Variants in LPP observed in about 807,000 individuals in gnomAD.
The protein encoded by LPP is LIM domain containing preferred translocation partner in lipoma, also known as lipoma-preferred partner.
In LPP, 38 loss-of-function variants were observed where a neutral mutation model predicts 60.4. The observed-to-expected ratio is 0.63, with a 90% CI of 0.49 to 0.83. The LOEUF (loss-of-function observed/expected upper bound fraction) is 0.83, where lower values mean the gene tolerates loss of function less well. Ranked by LOEUF, LPP falls within the 40% of genes least tolerant of loss-of-function variation. The pLI is 0.00. For synonymous variants in LPP, 328 were observed against 290.8 expected, an observed-to-expected ratio of 1.13 and a Z score of -1.30; for missense variants, 902 against 783.6, an observed-to-expected ratio of 1.15 and a Z score of -1.80.
At chr3:188,696,833 T>C (rs1249375972) in intron 7 of LPP, among the ~76,000 whole-genome samples, 1 of 152,226 alleles carries the variant, frequency 6.6e-6, no homozygotes, top group Non-Finnish European at 1.5e-5. Flanking sequence ...GACTGGATTA[T>C]AAATTCTATG....
At chr3:188,347,465 A>G (rs115661695) in intron 3 of LPP, among the ~76,000 whole-genome samples, 36 of 152,304 alleles carry the variant, frequency 2.4e-4, no homozygotes, top group Non-Finnish European at 5.0e-4. Context: ...TGCTCTCAAT[A>G]TCTTCATTTG....
intron 4 of LPP, among the ~76,000 whole-genome samples, chr3:188,422,911 C>A (rs1302661758): frequency 9.2e-6 from 1 of 108,602 alleles, no homozygotes; most frequent in Non-Finnish European, 2.0e-5. Context: ...TTGGTGTCTT[C>A]TTTGTGTGTG....
intron 4 of LPP, among the ~76,000 whole-genome samples, chr3:188,464,596 G>C (rs555637288): frequency 6.6e-6 from 1 of 152,220 alleles, no homozygotes; most frequent in Admixed American, 6.5e-5. Flanking sequence ...TTAAAATATT[G>C]ATATTTGGTG....
chr3:188,236,022 G>A (rs537775053), intron 2 of LPP, among the ~76,000 whole-genome samples: 23 of 151,916 alleles, frequency 1.5e-4, no homozygotes, highest in Middle Eastern at 3.4e-3. Context: ...TAACTCGAGC[G>A]TTTACTGAAC....
chr3:188,411,430 G>T (rs896643453), intron 4 of LPP, among the ~76,000 whole-genome samples: 2 of 152,028 alleles, frequency 1.3e-5, no homozygotes, highest in Admixed American at 6.6e-5. Context: ...CAAAGGAAAA[G>T]AAATCATTAC....
intron 6 of LPP, among the ~76,000 whole-genome samples, chr3:188,594,676 G>A (rs768664941): frequency 1.3e-4 from 20 of 152,226 alleles, no homozygotes; most frequent in African/African-American, 2.4e-4. Flanking sequence ...ATATTTCTTT[G>A]GTTTTGGGTG....
intron 9 of LPP, among the ~76,000 whole-genome samples, chr3:188,769,843 C>A (rs533574264): frequency 2.6e-5 from 4 of 152,122 alleles, no homozygotes; most frequent in Non-Finnish European, 5.9e-5. Flanking sequence ...AATAGGACAG[C>A]GTTTGCTTTC....
intron 6 of LPP, among the ~76,000 whole-genome samples, chr3:188,554,673 T>G (rs1220205923): frequency 4.6e-5 from 7 of 152,206 alleles, no homozygotes. Context: ...ATATTTTACT[T>G]TGATTCCAAA....
intron 4 of LPP, among the ~76,000 whole-genome samples, chr3:188,466,194 G>C (rs1282338356): frequency 6.6e-6 from 1 of 152,126 alleles, no homozygotes; most frequent in Non-Finnish European, 1.5e-5. Flanking sequence ...CAACACGGCA[G>C]TGAGATGGGA....
chr3:188,888,598 A>C lies in LPP; in HGVS notation c.*14119A>C, dbSNP rs1018681516. ...ACTAAATATAGGCTCTATTAACTTT[A>C]CTTTTAGATTTACTGCCTTCAAAAA... On this transcript the variant is annotated 3_prime_UTR_variant, in exon 12 of 12. Transcript: ENST00000617246. 9 of 224,260 alleles carry C rather than the reference A, an allele frequency of 4.0e-5. No homozygotes were observed. The highest frequency in any genetic ancestry group is 1.8e-4 in the African/African-American group (8 of 44,846). 13.9% of individuals were successfully genotyped at this position (224,260 alleles called of 1,614,324 possible). A position where few individuals can be genotyped will look rare whatever the true frequency, so the allele number is the denominator to read the frequency against.
intron 5 of LPP, among the ~76,000 whole-genome samples, chr3:188,488,400 G>C (rs998092328): frequency 2.6e-5 from 4 of 151,516 alleles, no homozygotes; most frequent in Non-Finnish European, 5.9e-5. Flanking sequence ...GAAAACAGGG[G>C]AAGGATTTGG....
chr3:188,380,535 T>A (rs1776593968), intron 3 of LPP, among the ~76,000 whole-genome samples: 1 of 152,342 alleles, frequency 6.6e-6, no homozygotes, highest in Middle Eastern at 3.4e-3. Context: ...GACAAAGCTA[T>A]CCCGAGGGTA....
intron 9 of LPP, among the ~76,000 whole-genome samples, chr3:188,764,539 CAT>C (rs1733401215): frequency 6.6e-6 from 1 of 152,042 alleles, no homozygotes; most frequent in South Asian, 2.1e-4. Context: ...TATAAGGACA[CAT>C]ATTAAAAGCG....
At chr3:188,690,664 A>T (rs530433526) in intron 7 of LPP, among the ~76,000 whole-genome samples, 2 of 152,302 alleles carry the variant, frequency 1.3e-5, no homozygotes, top group East Asian at 3.9e-4. Flanking sequence ...AGACCCTGGT[A>T]GAAGGAGAGA....
At chr3:188,849,088 CCG>C (rs1251529902) in intron 9 of LPP, among the ~76,000 whole-genome samples, 1 of 152,178 alleles carries the variant, frequency 6.6e-6, no homozygotes, top group Non-Finnish European at 1.5e-5. Context: ...AGGCACAGCA[CCG>C]TGGTGAGCGA....
intron 8 of LPP, among the ~76,000 whole-genome samples, chr3:188,734,635 T>A (rs1022370678): frequency 2.6e-5 from 4 of 152,186 alleles, no homozygotes; most frequent in Admixed American, 2.6e-4. Flanking sequence ...GACATGGGAA[T>A]GGATTATTGT....
intron 8 of LPP, among the ~76,000 whole-genome samples, chr3:188,759,059 G>A (rs961581411): frequency 6.6e-5 from 10 of 152,172 alleles, no homozygotes; most frequent in African/African-American, 2.4e-4. Flanking sequence ...TTTTAACTTA[G>A]TAGAAACAAA....
intron 6 of LPP, among the ~76,000 whole-genome samples, chr3:188,528,894 A>G (rs1821401487): frequency 6.6e-6 from 1 of 152,198 alleles, no homozygotes; most frequent in Non-Finnish European, 1.5e-5. Flanking sequence ...TGTCCCTTGA[A>G]TGTTGCTTTC....
chr3:188,752,137 G>C (rs1728287972), intron 8 of LPP, among the ~76,000 whole-genome samples: 1 of 152,296 alleles, frequency 6.6e-6, no homozygotes, highest in East Asian at 1.9e-4. Flanking sequence ...CCTTCTAGAT[G>C]TTACCTCCTC....
Sources: gnomAD v4.1 joint callset for allele counts (sites outside exome capture counted in the v4.1 genomes callset) on GRCh38, gnomAD v4.1.1 for gene constraint, MANE v1.5 for transcripts, NCBI Gene and HGNC (gene_info 2026-07-23, HGNC 2026-07-21) for gene names.